Variants in NCOR1 observed in about 807,000 individuals in gnomAD.
The protein encoded by NCOR1 is nuclear receptor corepressor 1.
Under a neutral mutation model 288.1 loss-of-function variants are expected in NCOR1, and 63 were observed. The observed-to-expected ratio is 0.22, with a 90% confidence interval of 0.18 to 0.27. NCOR1 has a LOEUF of 0.27. Ranked by LOEUF, NCOR1 falls within the 10% of genes least tolerant of loss-of-function variation. The probability of loss-of-function intolerance (pLI) is 1.00; values close to 1 mark genes in which losing one functional copy is unlikely to be tolerated. For synonymous variants in NCOR1, 1,007 were observed against 1,065.9 expected, an observed-to-expected ratio of 0.94 and a Z score of 1.08; for missense variants, 2,397 against 3,019.2, an observed-to-expected ratio of 0.79 and a Z score of 4.83.
intron 18 of NCOR1, among the ~76,000 whole-genome samples, chr17:16,114,586 C>G (rs535227389): frequency 1.3e-5 from 2 of 152,320 alleles, no homozygotes; most frequent in East Asian, 1.9e-4. Context: ...TGGGTAAATA[C>G]AGCTGTTCCA....
In NCOR1 at chr17:16,188,684, T is replaced by C. The variant is rs537392396; in HGVS notation, c.109-1997A>G. Among the ~76,000 whole-genome samples the C allele has an allele frequency of 6.2e-4, 94 of 150,614 alleles. 1 individual carries two copies. Among genetic ancestry groups the C allele is most frequent in the African/African-American group, 1.5e-3 (62 of 41,024 alleles). On this transcript the variant is annotated intron_variant, in intron 2 of 45. Coordinates refer to ENST00000268712, the MANE Select transcript of NCOR1 (RefSeq NM_006311.4). ...ACATCCAAGGAAATAGGTAAAACAGTAAATAAAAGTAAAAAGGACCTAGAA... is the reference window on the plus strand; with the variant it reads ...ACATCCAAGGAAATAGGTAAAACAGCAAATAAAAGTAAAAAGGACCTAGAA...
At chr17:16,181,942 T>G (rs1427026785) in intron 3 of NCOR1, among the ~76,000 whole-genome samples, 1 of 151,624 alleles carries the variant, frequency 6.6e-6, no homozygotes, top group Non-Finnish European at 1.5e-5. Flanking sequence ...GTAACAAACT[T>G]TTTTTTTTCC....
At chr17:16,196,306 T>A (rs906204647) in intron 1 of NCOR1, among the ~76,000 whole-genome samples, 6 of 152,032 alleles carry the variant, frequency 3.9e-5, no homozygotes, top group Non-Finnish European at 8.8e-5. Context: ...TTTTTATCAA[T>A]ATATTCTTTA....
At position 16,084,063 on chromosome 17, in the gene NCOR1, G is replaced by A. The variant is rs547814770; in HGVS notation, c.3177+2219C>T. 3 of 152,286 alleles carry A rather than the reference G, an allele frequency of 2.0e-5. 1 individual carries two copies. Among genetic ancestry groups the A allele is most frequent in the Admixed American group, 2.0e-4 (3 of 15,294 alleles). 9.4% of individuals were successfully genotyped at this position (152,286 alleles called of 1,614,324 possible). ...AAGTGGGGGCAAAAAAAGAAAAAAA[G>A]CAGGTTCTGAAGTATACCCTTGACT... On this transcript the variant is annotated intron_variant, in intron 23 of 45. Coordinates refer to ENST00000268712, the MANE Select transcript of NCOR1 (RefSeq NM_006311.4).
At chr17:16,105,047 C>G (rs777126321) in intron 19 of NCOR1, among the ~76,000 whole-genome samples, 12 of 152,278 alleles carry the variant, frequency 7.9e-5, no homozygotes, top group African/African-American at 2.9e-4. Flanking sequence ...AACAAAAAAG[C>G]AGCTGGCAGA....
intron 19 of NCOR1, among the ~76,000 whole-genome samples, chr17:16,105,744 C>T (rs757705512): frequency 2.0e-4 from 30 of 151,780 alleles, no homozygotes; most frequent in Non-Finnish European, 3.4e-4. Flanking sequence ...AACAAACAAA[C>T]AAACAAAGAC....
intron 11 of NCOR1, among the ~76,000 whole-genome samples, chr17:16,140,787 C>T (rs1379754676): frequency 1.3e-5 from 2 of 151,594 alleles, no homozygotes; most frequent in Non-Finnish European, 2.9e-5. Context: ...GCATTCCAGT[C>T]TGGCTGACAG....
intron 14 of NCOR1, among the ~76,000 whole-genome samples, chr17:16,131,598 G>A (rs566089951): frequency 2.0e-4 from 31 of 152,170 alleles, no homozygotes; most frequent in African/African-American, 5.8e-4. Flanking sequence ...AAATTTACAC[G>A]AGGAAGAAAA....
chr17:16,072,484 T>TCTAAAATGC (rs1381900682), intron 28 of NCOR1, among the ~76,000 whole-genome samples: 1 of 152,090 alleles, frequency 6.6e-6, no homozygotes, highest in Non-Finnish European at 1.5e-5. Context: ...CAAAGTTAAA[T>TCTAAAATGC]CTAAAATCCC....
chr17:16,153,306 A>G, intron 7 of NCOR1, 33 bp downstream of exon 7: 9 of 1,503,836 alleles, frequency 6.0e-6, no homozygotes, highest in Non-Finnish European at 7.3e-6. Flanking sequence ...AAATTAAAAA[A>G]AAAAATCACT....
At chr17:16,044,184 A>G (rs943743273) in intron 42 of NCOR1, among the ~76,000 whole-genome samples, 16 of 151,654 alleles carry the variant, frequency 1.1e-4, no homozygotes, top group East Asian at 7.7e-4. Context: ...AAAAAAAAAA[A>G]AAAAGAAAGA....
At chr17:16,080,196 G>C in intron 25 of NCOR1, 132 bp from the exon 26 acceptor site, 4 of 830,072 alleles carry the variant, frequency 4.8e-6, no homozygotes, top group Non-Finnish European at 7.4e-6. Context: ...CATCATGTTT[G>C]TTTTATTAAA....
At chr17:16,208,035 C>CTTTTTTTTTTTTT (rs71150278) in intron 1 of NCOR1, among the ~76,000 whole-genome samples, 21 of 72,556 alleles carry the variant, frequency 2.9e-4, no homozygotes, top group Non-Finnish European at 3.9e-4. Context: ...ATATTTCTTT[C>CTTTTTTTTTTTTT]TTTTTTTTTT....
At chr17:16,136,412 G>A (rs966449624) in intron 14 of NCOR1, among the ~76,000 whole-genome samples, 4 of 152,140 alleles carry the variant, frequency 2.6e-5, no homozygotes, top group Non-Finnish European at 5.9e-5. Context: ...GGCTGGTCTT[G>A]AACTCCTGGG....
At chr17:16,034,696 A>G in intron 45 of NCOR1, 69 bp downstream of exon 45, 1 of 1,365,028 alleles carries the variant, frequency 7.3e-7, no homozygotes, top group Non-Finnish European at 1.0e-6. Context: ...CTGAATTTTG[A>G]AGAACTAATA....
At chr17:16,210,815 C>T (rs543105451) in intron 1 of NCOR1, among the ~76,000 whole-genome samples, 5 of 151,918 alleles carry the variant, frequency 3.3e-5, no homozygotes, top group African/African-American at 9.7e-5. Context: ...CTGCAAGCTC[C>T]GCCTCCCGGG....
chr17:16,211,240 CTATTTTTATTT>C (rs2092099022), intron 1 of NCOR1, among the ~76,000 whole-genome samples: 1 of 149,074 alleles, frequency 6.7e-6, no homozygotes, highest in Non-Finnish European at 1.5e-5. Flanking sequence ...TATAAATTAG[CTATTTTTATTT>C]TATTTTTATT....
intron 26 of NCOR1, among the ~76,000 whole-genome samples, chr17:16,076,154 C>A (rs191968543): frequency 3.3e-5 from 5 of 152,178 alleles, no homozygotes; most frequent in African/African-American, 9.6e-5. Context: ...AATGTAGTTA[C>A]GCAATATATC....
chr17:16,213,316 C>A (rs1223940408), intron 1 of NCOR1, among the ~76,000 whole-genome samples: 2 of 151,196 alleles, frequency 1.3e-5, no homozygotes, highest in Admixed American at 6.6e-5. Flanking sequence ...CACGGTGAAA[C>A]CCCGTCTCTA....
Sources: allele counts gnomAD v4.1 joint callset (sites outside exome capture counted in the v4.1 genomes callset), GRCh38; gene constraint gnomAD v4.1.1; transcripts MANE v1.5; gene names NCBI Gene and HGNC (gene_info 2026-07-23, HGNC 2026-07-21).